Variants in ITGA11 observed in about 807,000 individuals in gnomAD.
The protein encoded by ITGA11 is integrin alpha-11.
Under a neutral mutation model 141.9 loss-of-function variants are expected in ITGA11, and 97 were observed. That is an observed-to-expected ratio of 0.68 (90% CI 0.58 to 0.81). The LOEUF (loss-of-function observed/expected upper bound fraction) is 0.81, where lower values mean the gene tolerates loss of function less well. Ranked by LOEUF, ITGA11 falls within the 30% of genes least tolerant of loss-of-function variation. The pLI, the probability that ITGA11 is intolerant of heterozygous loss-of-function variation, is 0.00. For synonymous variants in ITGA11, 658 were observed against 624.6 expected (o/e 1.05, Z -0.80); for missense variants, 1,387 against 1,559.2 (o/e 0.89, Z 1.86).
chr15:68,424,056 C>T (rs963922374), intron 1 of ITGA11, among the ~76,000 whole-genome samples: 9 of 152,238 alleles, frequency 5.9e-5, no homozygotes, highest in Non-Finnish European at 1.3e-4. Context: ...TCAGCCAAAT[C>T]AATTTATCTA....
At chr15:68,406,769 T>C (rs1442794618) in intron 1 of ITGA11, among the ~76,000 whole-genome samples, 1 of 152,180 alleles carries the variant, frequency 6.6e-6, no homozygotes, top group East Asian at 1.9e-4. Context: ...TCTTCATTTG[T>C]CTGGGACAGT....
At chr15:68,358,380 CT>C in intron 6 of ITGA11, 77 bp downstream of exon 6, 3 of 1,478,064 alleles carry the variant, frequency 2.0e-6, no homozygotes, top group Non-Finnish European at 2.7e-6. Flanking sequence ...GCAAAGATCT[CT>C]CTTAGACCTA....
rs28685790 is a variant in ITGA11, at chr15:68,328,632, C to T, written c.1902-370G>A. On this transcript the variant is annotated intron_variant, in intron 15 of 29. Coordinates refer to ENST00000315757, the MANE Select transcript of ITGA11 (RefSeq NM_001004439.2). The surrounding 1 kb of genome is among the most constrained non-coding windows in gnomAD (Gnocchi z 4.8). ...AGTCATCTGAAGAGCTTAAAAAAAT[C>T]CTGGTGCCTCAGCTACACCCTAGGC... 0.083 allele frequency among the ~76,000 whole-genome samples: 12,576 copies of T among 152,196 alleles called. 1,630 individuals are homozygous for T. Among genetic ancestry groups the T allele is most frequent in the African/African-American group, 0.28 (11,446 of 41,452 alleles).
intron 1 of ITGA11, among the ~76,000 whole-genome samples, chr15:68,410,089 G>A (rs556453444): frequency 6.6e-6 from 1 of 152,234 alleles, no homozygotes; most frequent in Non-Finnish European, 1.5e-5. Flanking sequence ...ATCACAACAA[G>A]TGGAACACAG....
chr15:68,357,837 C>T (rs1895117817), intron 6 of ITGA11, among the ~76,000 whole-genome samples: 1 of 152,160 alleles, frequency 6.6e-6, no homozygotes, highest in Non-Finnish European at 1.5e-5. Context: ...CACACGTGCC[C>T]TTCTAATGCT....
At chr15:68,425,761 G>C (rs1214521097) in intron 1 of ITGA11, among the ~76,000 whole-genome samples, 2 of 152,190 alleles carry the variant, frequency 1.3e-5, no homozygotes, top group Non-Finnish European at 2.9e-5. Context: ...GATCTTCAGG[G>C]AAGAAACAGG....
rs1250320182 is a variant in ITGA11, at chr15:68,322,329, T to C, written c.2323-826A>G. Among the ~76,000 whole-genome samples, 3 of 151,650 alleles carry C rather than the reference T, an allele frequency of 2.0e-5. No homozygotes were observed. Among genetic ancestry groups the C allele is most frequent in the South Asian group, 4.2e-4 (2 of 4,764 alleles). Reference sequence around the variant, plus strand: ...GGCTGCCCTGGCTGCTGTGGGAGAATGGAGTGAGAAGATGGAGGCTCGAGG... The same window carrying C: ...GGCTGCCCTGGCTGCTGTGGGAGAACGGAGTGAGAAGATGGAGGCTCGAGG... On this transcript the variant is annotated intron_variant, in intron 18 of 29. Coordinates refer to ENST00000315757, the MANE Select transcript of ITGA11 (RefSeq NM_001004439.2). The surrounding 1 kb of genome is among the most constrained non-coding windows in gnomAD (Gnocchi z 5.6).
At position 68,358,598 on chromosome 15, in the gene ITGA11, GAC is replaced by G; in HGVS notation, c.473-15_473-14del. 6.2e-7 allele frequency: 1 copy of G among 1,607,530 alleles called. No individual in the cohort carries two copies. Among genetic ancestry groups the G allele is most frequent in the Non-Finnish European group, 8.5e-7 (1 of 1,177,378 alleles). ...TAGGTCTGGCACCCTGGAAAGTGGG[GAC>G]ACAGTTATGGCTACCCAAGGAGCAG... On this transcript the variant is annotated splice_polypyrimidine_tract_variant and intron_variant, in intron 5 of 29. Coordinates refer to ENST00000315757, the MANE Select transcript of ITGA11 (RefSeq NM_001004439.2).
intron 7 of ITGA11, among the ~76,000 whole-genome samples, chr15:68,356,105 T>C (rs553805072): frequency 2.0e-5 from 3 of 146,982 alleles, no homozygotes; most frequent in Non-Finnish European, 4.6e-5. Flanking sequence ...TATTTTATTT[T>C]ATTTTTTTGA....
intron 2 of ITGA11, among the ~76,000 whole-genome samples, chr15:68,394,531 A>G (rs1178042999): frequency 6.6e-6 from 1 of 152,072 alleles, no homozygotes; most frequent in African/African-American, 2.4e-5. Context: ...CAATTTAAGT[A>G]AGAAGCTAGA....
At chr15:68,346,400 T>C (rs1477407417) in intron 10 of ITGA11, among the ~76,000 whole-genome samples, 1 of 152,188 alleles carries the variant, frequency 6.6e-6, no homozygotes, top group Non-Finnish European at 1.5e-5. Flanking sequence ...TGTCCTCCTC[T>C]TTTTAGATTC....
intron 2 of ITGA11, among the ~76,000 whole-genome samples, chr15:68,373,368 G>C (rs1289523032): frequency 2.0e-5 from 3 of 152,220 alleles, no homozygotes; most frequent in Non-Finnish European, 2.9e-5. Flanking sequence ...TGCAGCAGGA[G>C]CAACTGTGGG....
Position 68,308,103 on chromosome 15 carries a change from G to A in ITGA11, c.3175-407C>T, listed in dbSNP as rs1893260421. 6.6e-6 allele frequency among the ~76,000 whole-genome samples: 1 copy of A among 152,202 alleles called. No homozygotes were observed. The highest frequency in any genetic ancestry group is 1.9e-4 in the East Asian group (1 of 5,196). On this transcript the variant is annotated intron_variant, in intron 26 of 29. Coordinates refer to ENST00000315757, the MANE Select transcript of ITGA11 (RefSeq NM_001004439.2). The surrounding 1 kb of genome is among the most constrained non-coding windows in gnomAD (Gnocchi z 5.2). ...GATAAAAACTCCCAGGGAACTTCCT[G>A]AATCAGATAAAAGGGGTCTTCATAA...
In ITGA11 at chr15:68,302,959, C is replaced by A; in HGVS notation, c.*100G>T. 1 of 962,376 alleles carries A rather than the reference C, an allele frequency of 1.0e-6. No homozygotes were observed. The highest frequency in any genetic ancestry group is 1.6e-5 in the South Asian group (1 of 63,672). The allele number at this position is 962,376 out of a possible 1,614,324, so 59.6% of individuals were successfully genotyped here. On this transcript the variant is annotated 3_prime_UTR_variant, in exon 30 of 30. Transcript: ENST00000315757. ...TGAGGTCAAGTGCAAAGCCAGCTGGCTTCCTCTCCGCTCCAGCTCGGTGGG... is the reference window on the plus strand; with the variant it reads ...TGAGGTCAAGTGCAAAGCCAGCTGGATTCCTCTCCGCTCCAGCTCGGTGGG...
rs370627780 is a variant in ITGA11, at chr15:68,405,042, G to A, written c.53-2013C>T. Among the ~76,000 whole-genome samples, 30 of 152,124 alleles carry A rather than the reference G, an allele frequency of 2.0e-4. No homozygotes were observed. In the East Asian group the frequency reaches 4.1e-3, roughly 21 times the overall value. Reference sequence around the variant, plus strand: ...GAGGCTTGGACCCGCACACGAGTGCGCCACTCTCCTTCCCCTGGGCACTGA... The same window carrying A: ...GAGGCTTGGACCCGCACACGAGTGCACCACTCTCCTTCCCCTGGGCACTGA... On this transcript the variant is annotated intron_variant, in intron 1 of 29. Transcript: ENST00000315757.
chr15:68,331,957 T>G lies in ITGA11; in HGVS notation c.1672A>C (p.Asn558His). 1 of 1,613,400 alleles carries G rather than the reference T, an allele frequency of 6.2e-7. No homozygotes were observed. The change falls in exon 14 of 30, where the codon AAT becomes CAT. Residue 558 changes from asparagine to histidine, a missense_variant. Coordinates refer to ENST00000315757, the MANE Select transcript of ITGA11 (RefSeq NM_001004439.2). ...SVRDLNQDSY[N>H]DVVVGAPLED... Reference sequence around the variant, plus strand: ...AGGGGGGCTCCCACCACCACGTCATTGTAGGAATCCTGGTTGAGGTCTCGA... The same window carrying G: ...AGGGGGGCTCCCACCACCACGTCATGGTAGGAATCCTGGTTGAGGTCTCGA...
chr15:68,380,260 T>G (rs916941580), intron 2 of ITGA11, among the ~76,000 whole-genome samples: 26 of 152,136 alleles, frequency 1.7e-4, no homozygotes, highest in African/African-American at 6.3e-4. Context: ...ACTCTTTTCT[T>G]GTTCGTGGGC....
chr15:68,350,279 G>A (rs1295527818), intron 9 of ITGA11, among the ~76,000 whole-genome samples: 3 of 152,084 alleles, frequency 2.0e-5, no homozygotes, highest in African/African-American at 7.2e-5. Flanking sequence ...CAACCTCCCA[G>A]GCTCAAGCGA....
At position 68,311,097 on chromosome 15, in the gene ITGA11, G is replaced by GAC. The variant is rs141995773; in HGVS notation, c.3088-19_3088-18dup. Reference sequence around the variant, plus strand: ...CGTGTTCGCCTACATAAAGGACATGGACACACACACACATACACAGCCTCA... The same window carrying GAC: ...CGTGTTCGCCTACATAAAGGACATGGACACACACACACACATACACAGCCTCA... On this transcript the variant is annotated splice_polypyrimidine_tract_variant and intron_variant, in intron 25 of 29. Coordinates refer to ENST00000315757, the MANE Select transcript of ITGA11 (RefSeq NM_001004439.2). The GAC allele has an allele frequency of 4.2e-5, 67 of 1,577,058 alleles. No homozygotes were observed. Among genetic ancestry groups the GAC allele is most frequent in the Admixed American group, 1.9e-4 (11 of 58,096 alleles).
Sources: allele counts gnomAD v4.1 joint callset (sites outside exome capture counted in the v4.1 genomes callset), GRCh38; gene constraint gnomAD v4.1.1; non-coding constraint Gnocchi (gnomAD v3.1); transcripts MANE v1.5; gene names NCBI Gene and HGNC (gene_info 2026-07-23, HGNC 2026-07-21).